The following IFI27L1 variants were observed in gnomAD, a reference collection of about 807,000 sequenced individuals.
The protein encoded by IFI27L1 is interferon alpha-inducible protein 27-like protein 1.
Under a neutral mutation model 9.2 loss-of-function variants are expected in IFI27L1, and 3 were observed. That is an observed-to-expected ratio of 0.32 (90% CI 0.15 to 0.84). IFI27L1 has a LOEUF of 0.84. Ranked by LOEUF, IFI27L1 falls within the 40% of genes least tolerant of loss-of-function variation. IFI27L1 has a pLI of 0.56. For missense variants in IFI27L1, 133 were observed against 134.2 expected (o/e 0.99, Z 0.05); for synonymous variants, 53 against 50.0 (o/e 1.06, Z -0.26).
At chr14:94,092,707 A>T (rs1031766399) in intron 1 of IFI27L1, among the ~76,000 whole-genome samples, 1 of 152,084 alleles carries the variant, frequency 6.6e-6, no homozygotes, top group Non-Finnish European at 1.5e-5. Context: ...AGAATACCTG[A>T]TATGGTTTAG....
rs780961997 is a variant in IFI27L1, at chr14:94,096,878, A to G, written c.-51-9A>G. ...CAGATCCTGAATAAAGTCAAAACTCAACCAACAGGTGGAAGTCCAAGAATC... is the reference window on the plus strand; with the variant it reads ...CAGATCCTGAATAAAGTCAAAACTCGACCAACAGGTGGAAGTCCAAGAATC... On this transcript the variant is annotated splice_polypyrimidine_tract_variant and intron_variant, in intron 1 of 4. Coordinates refer to ENST00000555523, the MANE Select transcript of IFI27L1 (RefSeq NM_206949.3). The G allele has an allele frequency of 4.5e-6, 7 of 1,553,078 alleles. No homozygotes were observed. The highest frequency in any genetic ancestry group is 2.7e-5 in the African/African-American group (2 of 73,910).
At chr14:94,092,140 A>T (rs555290067) in intron 1 of IFI27L1, among the ~76,000 whole-genome samples, 11 of 151,822 alleles carry the variant, frequency 7.2e-5, no homozygotes, top group African/African-American at 2.7e-4. Flanking sequence ...AAATAAAAAA[A>T]AAAAAAGAAA....
In IFI27L1 at chr14:94,101,927, G is replaced by A. The variant is rs758548682; in HGVS notation, c.175G>A (p.Gly59Arg). The A allele has an allele frequency of 1.2e-5, 19 of 1,614,148 alleles. No individual in the cohort carries two copies. The highest frequency in any genetic ancestry group is 6.7e-5 in the East Asian group (3 of 44,898). Residue 59 changes from glycine (G) to arginine (R), a missense_variant, in exon 4 of 5, where the codon GGG becomes AGG. Coordinates refer to ENST00000555523, the MANE Select transcript of IFI27L1 (RefSeq NM_206949.3). ...KMMSTAAIAN[G>R]GGVAAGSLVA... ...GATGTCTACAGCAGCCATTGCCAAC[G>A]GGGGCGGAGTTGCTGCTGGCAGTCT...
At chr14:94,097,027 C>G in intron 2 of IFI27L1, 62 bp downstream of exon 2, 1 of 1,394,834 alleles carries the variant, frequency 7.2e-7, no homozygotes, top group Non-Finnish European at 1.0e-6. Flanking sequence ...ACTTTGTGTC[C>G]CACTCTTCTG....
At chr14:94,088,223 G>A (rs1365466151) in intron 1 of IFI27L1, 2 of 702,090 alleles carry the variant, frequency 2.8e-6, no homozygotes, top group Non-Finnish European at 5.2e-6. Context: ...GCCAAGCATT[G>A]TAGTAGGGAC....
intron 1 of IFI27L1, among the ~76,000 whole-genome samples, chr14:94,088,050 C>T (rs2009516): frequency 0.1 from 15,956 of 152,176 alleles, 941 homozygotes; most frequent in Non-Finnish European, 0.13. Context: ...CTCTGTTTCA[C>T]GCTCTGCTGT....
intron 2 of IFI27L1, among the ~76,000 whole-genome samples, chr14:94,099,375 C>T (rs1427477183): frequency 6.6e-6 from 1 of 152,088 alleles, no homozygotes; most frequent in Non-Finnish European, 1.5e-5. Context: ...AGGACCCCGA[C>T]AGAGGCAAGA....
At chr14:94,087,714 C>T (rs762301046) in intron 1 of IFI27L1, among the ~76,000 whole-genome samples, 1 of 152,100 alleles carries the variant, frequency 6.6e-6, no homozygotes, top group Non-Finnish European at 1.5e-5. Flanking sequence ...GCATGAGCCA[C>T]CGTGCCCAGC....
At chr14:94,102,170 C>G in intron 4 of IFI27L1, 195 bp downstream of exon 4, 2 of 636,112 alleles carry the variant, frequency 3.1e-6, no homozygotes, top group East Asian at 5.5e-5. Context: ...CTGGTGAACC[C>G]TACAAAACCC....
At chr14:94,096,554 T>C (rs7153083) in intron 1 of IFI27L1, among the ~76,000 whole-genome samples, 93,233 of 151,818 alleles carry the variant, frequency 0.61, 30,360 homozygotes, top group East Asian at 0.95. Context: ...ATTAGCCAGG[T>C]GTGGTCGCAC....
At chr14:94,089,896 C>T (rs754055565) in intron 1 of IFI27L1, among the ~76,000 whole-genome samples, 7 of 152,114 alleles carry the variant, frequency 4.6e-5, no homozygotes, top group African/African-American at 1.2e-4. Context: ...CAGAAAGTGT[C>T]GGTATGGCAA....
intron 3 of IFI27L1, 64 bp from the exon 4 acceptor site, chr14:94,101,750 G>T: frequency 6.4e-7 from 1 of 1,554,992 alleles, no homozygotes; most frequent in Non-Finnish European, 8.9e-7. Flanking sequence ...GCCCCAGGAG[G>T]ATGTCAGGGA....
intron 3 of IFI27L1, chr14:94,101,105 G>GAGT: frequency 1.9e-6 from 1 of 524,496 alleles, no homozygotes; most frequent in Admixed American, 3.1e-5. Context: ...CTTTTGAAGG[G>GAGT]AGTATGTCAG....
intron 2 of IFI27L1, among the ~76,000 whole-genome samples, chr14:94,100,051 GT>G (rs921581272): frequency 7.2e-5 from 11 of 152,192 alleles, no homozygotes; most frequent in African/African-American, 2.7e-4. Flanking sequence ...CAGGCCTAGG[GT>G]TTGACTGAGG....
chr14:94,091,051 G>C (rs1233793185), intron 1 of IFI27L1, among the ~76,000 whole-genome samples: 1 of 152,178 alleles, frequency 6.6e-6, no homozygotes, highest in East Asian at 1.9e-4. Context: ...TGTTAGTTTA[G>C]TTCATGCGCT....
chr14:94,093,081 T>G (rs1012068500), intron 1 of IFI27L1, among the ~76,000 whole-genome samples: 12 of 152,194 alleles, frequency 7.9e-5, no homozygotes, highest in African/African-American at 2.7e-4. Flanking sequence ...CCAGGAGCAT[T>G]ACTTTTCCCC....
At chr14:94,100,265 T>C (rs768046925) in intron 2 of IFI27L1, 47 of 985,308 alleles carry the variant, frequency 4.8e-5, no homozygotes, top group Non-Finnish European at 5.7e-5. Context: ...GGCTGATTTT[T>C]GCACCTTCTG....
At chr14:94,095,455 G>A (rs1187866163) in intron 1 of IFI27L1, among the ~76,000 whole-genome samples, 2 of 152,164 alleles carry the variant, frequency 1.3e-5, no homozygotes, top group Non-Finnish European at 2.9e-5. Context: ...GTGTTAGTCA[G>A]TTTTACATTT....
rs777349063 is a variant in IFI27L1, at chr14:94,102,452, G to T, written c.224-25G>T. 2.7e-6 allele frequency: 4 copies of T among 1,498,428 alleles called. No homozygotes were observed. The Admixed American group carries it at 7.8e-5, about 29-fold the overall frequency. The allele number at this position is 1,498,428 out of a possible 1,614,324, so 92.8% of individuals were successfully genotyped here. ...GAGCTGCTACCCCTCCCTGTGCCCT[G>T]TGCTCACCCTCTCTTCTCCCCCAGG... is the stretch of plus-strand genomic sequence containing the variant. On this transcript the variant is annotated intron_variant, in intron 4 of 4. Coordinates refer to ENST00000555523, the MANE Select transcript of IFI27L1 (RefSeq NM_206949.3).
Sources: allele counts gnomAD v4.1 joint callset (sites outside exome capture counted in the v4.1 genomes callset), GRCh38; gene constraint gnomAD v4.1.1; transcripts MANE v1.5; gene names NCBI Gene and HGNC (gene_info 2026-07-23, HGNC 2026-07-21).